Variants in MACROD2 observed in about 807,000 individuals in gnomAD.
MACROD2 encodes the protein ADP-ribose glycohydrolase MACROD2.
Under a neutral mutation model 70.4 loss-of-function variants are expected in MACROD2, and 36 were observed. The ratio of observed to expected loss-of-function variants is 0.51; its 90% CI spans 0.39 to 0.68. The LOEUF (loss-of-function observed/expected upper bound fraction) is 0.68. Among genes scored for constraint, MACROD2 ranks in the 30% least tolerant of loss-of-function variants. The probability of loss-of-function intolerance (pLI) is 0.00; values close to 1 mark genes in which losing one functional copy is unlikely to be tolerated. For synonymous variants in MACROD2, 172 were observed against 178.8 expected (o/e 0.96, Z 0.30); for missense variants, 496 against 538.4 (o/e 0.92, Z 0.78).
chr20:15,767,207 C>A (rs1254193859), intron 8 of MACROD2, among the ~76,000 whole-genome samples: 1 of 152,172 alleles, frequency 6.6e-6, no homozygotes, highest in Non-Finnish European at 1.5e-5. Context: ...TTTTCTCTTT[C>A]GGTTTTCCTC....
intron 5 of MACROD2, 132 bp downstream of exon 5, chr20:14,685,091 G>A: frequency 1.4e-5 from 9 of 637,820 alleles, no homozygotes; most frequent in South Asian, 4.5e-5. Flanking sequence ...TTTTGTACAT[G>A]GTAATAAAAA....
chr20:14,807,070 C>A (rs1468527445), intron 5 of MACROD2, among the ~76,000 whole-genome samples: 2 of 152,124 alleles, frequency 1.3e-5, no homozygotes, highest in Non-Finnish European at 2.9e-5. Flanking sequence ...GCAGATCTCC[C>A]AGCACAGTGC....
intron 5 of MACROD2, among the ~76,000 whole-genome samples, chr20:14,782,603 GA>G (rs2072315671): frequency 6.6e-6 from 1 of 151,998 alleles, no homozygotes; most frequent in African/African-American, 2.4e-5. Context: ...ATGCAGATAT[GA>G]AAAGGCCAGC....
At chr20:15,264,879 G>T (rs111322019) in intron 6 of MACROD2, among the ~76,000 whole-genome samples, 267 of 152,262 alleles carry the variant, frequency 1.8e-3, no homozygotes, top group South Asian at 3.9e-3. Flanking sequence ...GACAGACTGG[G>T]CCTGGGGAAT....
chr20:15,879,390 C>G (rs1394472553), intron 9 of MACROD2, among the ~76,000 whole-genome samples: 1 of 151,866 alleles, frequency 6.6e-6, no homozygotes, highest in Non-Finnish European at 1.5e-5. Context: ...ATTTGTTGCA[C>G]AAATATGACT....
chr20:15,963,452 T>A (rs775282944), intron 12 of MACROD2, among the ~76,000 whole-genome samples: 2 of 152,328 alleles, frequency 1.3e-5, no homozygotes, highest in South Asian at 2.1e-4. Context: ...TATATTCACC[T>A]CTAATTTTGG....
At chr20:15,402,546 A>G (rs1019077403) in intron 6 of MACROD2, among the ~76,000 whole-genome samples, 6 of 152,230 alleles carry the variant, frequency 3.9e-5, no homozygotes, top group African/African-American at 1.2e-4. Context: ...TTTGAGATCA[A>G]ATATTTTTCA....
intron 5 of MACROD2, among the ~76,000 whole-genome samples, chr20:15,156,197 A>T (rs2076305832): frequency 6.6e-6 from 1 of 152,178 alleles, no homozygotes. Context: ...ATTAGGCAAG[A>T]GACATCCTGG....
intron 6 of MACROD2, among the ~76,000 whole-genome samples, chr20:15,299,650 A>G (rs1887731840): frequency 6.6e-6 from 1 of 152,220 alleles, no homozygotes; most frequent in Non-Finnish European, 1.5e-5. Flanking sequence ...CACCCATGCA[A>G]GGCAATCAAT....
At chr20:15,671,038 A>G (rs931457481) in intron 8 of MACROD2, among the ~76,000 whole-genome samples, 5 of 152,226 alleles carry the variant, frequency 3.3e-5, no homozygotes, top group Admixed American at 1.3e-4. Flanking sequence ...AATGTAGCTC[A>G]TGATCTGGTA....
intron 8 of MACROD2, among the ~76,000 whole-genome samples, chr20:15,831,001 T>G (rs2064050068): frequency 6.6e-6 from 1 of 152,202 alleles, no homozygotes; most frequent in Non-Finnish European, 1.5e-5. Flanking sequence ...TTTGACTAGA[T>G]TTAAAGACTC....
At chr20:15,255,353 T>C (rs2077190612) in intron 6 of MACROD2, among the ~76,000 whole-genome samples, 1 of 152,168 alleles carries the variant, frequency 6.6e-6, no homozygotes, top group Non-Finnish European at 1.5e-5. Context: ...TTGCCACTTC[T>C]CTTTGCCTAT....
chr20:14,111,897 C>T (rs931715596), intron 3 of MACROD2, among the ~76,000 whole-genome samples: 6 of 151,992 alleles, frequency 3.9e-5, no homozygotes, highest in African/African-American at 1.4e-4. Context: ...GAAGAGATAT[C>T]TGCACACGCA....
intron 6 of MACROD2, among the ~76,000 whole-genome samples, chr20:15,263,405 C>T (rs1210735337): frequency 1.3e-5 from 2 of 151,868 alleles, no homozygotes; most frequent in African/African-American, 4.8e-5. Context: ...GTTTTTATGC[C>T]AGTACCACAC....
intron 2 of MACROD2, among the ~76,000 whole-genome samples, chr20:14,073,480 T>C (rs991415662): frequency 1.3e-5 from 2 of 152,146 alleles, no homozygotes; most frequent in African/African-American, 4.8e-5. Flanking sequence ...TAATGTAAAA[T>C]AAATGAAAAT....
At chr20:15,071,135 A>G (rs1162732618) in intron 5 of MACROD2, among the ~76,000 whole-genome samples, 2 of 152,288 alleles carry the variant, frequency 1.3e-5, no homozygotes, top group Non-Finnish European at 1.5e-5. Flanking sequence ...AAATACAACA[A>G]TTGTGGAAGT....
intron 4 of MACROD2, among the ~76,000 whole-genome samples, chr20:14,595,764 A>G (rs1026698863): frequency 4.6e-5 from 7 of 152,214 alleles, no homozygotes; most frequent in Admixed American, 4.6e-4. Context: ...GCCTACGTAT[A>G]TGCTGACTAG....
intron 6 of MACROD2, among the ~76,000 whole-genome samples, chr20:15,417,505 G>T (rs1300322552): frequency 2.0e-5 from 3 of 150,544 alleles, no homozygotes; most frequent in Non-Finnish European, 4.4e-5. Flanking sequence ...AGGCTGAGAT[G>T]GGAGAATCAC....
At chr20:16,028,630 T>C (rs2067112514) in intron 15 of MACROD2, among the ~76,000 whole-genome samples, 3 of 152,136 alleles carry the variant, frequency 2.0e-5, no homozygotes, top group Admixed American at 6.5e-5. Flanking sequence ...TCCCAACTAA[T>C]ACATGAAAAT....
Sources: gnomAD v4.1 joint callset for allele counts (sites outside exome capture counted in the v4.1 genomes callset) on GRCh38, gnomAD v4.1.1 for gene constraint, MANE v1.5 for transcripts, NCBI Gene and HGNC (gene_info 2026-07-23, HGNC 2026-07-21) for gene names.